SVIL: variants seen among roughly 807,000 people sequenced by gnomAD.
SVIL encodes the protein supervillin.
SVIL carries 101 observed loss-of-function variants against 240.4 expected under a neutral mutation model. The ratio of observed to expected loss-of-function variants is 0.42; its 90% CI spans 0.36 to 0.50. The LOEUF (loss-of-function observed/expected upper bound fraction) is 0.50, where lower values mean the gene tolerates loss of function less well. Ranked by LOEUF, SVIL falls within the 20% of genes least tolerant of loss-of-function variation. The pLI is 0.01. For missense variants in SVIL, 2,512 were observed against 2,818.7 expected, an observed-to-expected ratio of 0.89 and a Z score of 2.46; for synonymous variants, 999 against 1,100.0, an observed-to-expected ratio of 0.91 and a Z score of 1.82.
intron 2 of SVIL, among the ~76,000 whole-genome samples, chr10:29,661,348 G>A (rs1959157078): frequency 6.6e-6 from 1 of 152,078 alleles, no homozygotes; most frequent in Non-Finnish European, 1.5e-5. Flanking sequence ...AAAAAAGCAA[G>A]AATACAAACA....
chr10:29,673,070 C>T (rs1959911803), intron 2 of SVIL, among the ~76,000 whole-genome samples: 1 of 152,200 alleles, frequency 6.6e-6, no homozygotes, highest in Middle Eastern at 3.4e-3. Context: ...CCCACCGCCA[C>T]ACCCAGCTAA....
At chr10:29,551,945 T>A (rs1378802660) in intron 5 of SVIL, among the ~76,000 whole-genome samples, 1 of 151,960 alleles carries the variant, frequency 6.6e-6, no homozygotes, top group Non-Finnish European at 1.5e-5. Context: ...ACCCTGCCTC[T>A]ACAAAAATTA....
intron 2 of SVIL, among the ~76,000 whole-genome samples, chr10:29,566,991 G>A (rs1393829065): frequency 6.6e-6 from 1 of 152,182 alleles, no homozygotes; most frequent in Non-Finnish European, 1.5e-5. Context: ...TAAAGTTAGT[G>A]CTGTCCACTT....
At chr10:29,680,139 T>A (rs1450240959) in intron 2 of SVIL, among the ~76,000 whole-genome samples, 1 of 152,174 alleles carries the variant, frequency 6.6e-6, no homozygotes, top group African/African-American at 2.4e-5. Flanking sequence ...GAGCCGTGAC[T>A]GTGCTACTGC....
At chr10:29,668,765 C>A (rs148046651) in intron 2 of SVIL, among the ~76,000 whole-genome samples, 1 of 152,166 alleles carries the variant, frequency 6.6e-6, no homozygotes, top group Non-Finnish European at 1.5e-5. Context: ...TGAGTCACTG[C>A]GCCCAGCCAA....
At chr10:29,638,944 G>A (rs371055337), upstream of SVIL, among the ~76,000 whole-genome samples, 6 of 152,108 alleles carry the variant, frequency 3.9e-5, no homozygotes, top group Non-Finnish European at 5.9e-5. Flanking sequence ...GGAGGAGATC[G>A]GGTCATCTCA....
chr10:29,631,541 C>T (rs1958093898), intron 1 of SVIL, among the ~76,000 whole-genome samples: 1 of 150,856 alleles, frequency 6.6e-6, no homozygotes, highest in African/African-American at 2.4e-5. Flanking sequence ...CTTTGGGAGG[C>T]CGAGGTGGGC....
chr10:29,483,405 A>T (rs2132365929), intron 27 of SVIL: 1 of 152,308 alleles, frequency 6.6e-6, no homozygotes, highest in East Asian at 1.9e-4. Context: ...TGCATCTTAA[A>T]ATCCCTAGGA....
At chr10:29,474,140 A>G in intron 29 of SVIL, 151 bp from the exon 30 acceptor site, 2 of 1,084,800 alleles carry the variant, frequency 1.8e-6, no homozygotes, top group Non-Finnish European at 2.6e-6. Flanking sequence ...CCTGGAGGGA[A>G]GGCTGGTCAC....
chr10:29,517,610 G>C (rs1002185912), intron 16 of SVIL, among the ~76,000 whole-genome samples: 2 of 152,202 alleles, frequency 1.3e-5, no homozygotes, highest in Non-Finnish European at 2.9e-5. Context: ...GATACCGAAG[G>C]GTGGATGGTT....
In SVIL at chr10:29,689,135, A is replaced by G. The variant is rs182071687; in HGVS notation, c.-399-2484T>C. ...AAAATATCCAATTTAGAATCACAGA[A>G]TGAGTAGAAGGGACCTTAGCTCAAC... On this transcript the variant is annotated intron_variant, in intron 1 of 35. Transcript: ENST00000375400. 4.6e-5 allele frequency among the ~76,000 whole-genome samples: 7 copies of G among 152,328 alleles called. No individual in the cohort carries two copies. The East Asian group carries it at 1.4e-3, about 29-fold the overall frequency.
At chr10:29,488,306 G>T (rs566290148) in intron 23 of SVIL, among the ~76,000 whole-genome samples, 1 of 152,118 alleles carries the variant, frequency 6.6e-6, no homozygotes, top group South Asian at 2.1e-4. Flanking sequence ...AGTAAAAGCT[G>T]GGATTCTGGA....
chr10:29,658,456 C>T (rs1564741733), intron 2 of SVIL, among the ~76,000 whole-genome samples: 1 of 152,276 alleles, frequency 6.6e-6, no homozygotes, highest in East Asian at 1.9e-4. Flanking sequence ...AATTTAAAAT[C>T]AGATCCAAAT....
chr10:29,547,783 A>G (rs1243840076), intron 6 of SVIL, among the ~76,000 whole-genome samples: 3 of 152,192 alleles, frequency 2.0e-5, no homozygotes, highest in African/African-American at 7.2e-5. Context: ...AACGACTTCA[A>G]CAGCTCTCAT....
chr10:29,733,110 C>T (rs934722363), intron 1 of SVIL, among the ~76,000 whole-genome samples: 1 of 152,174 alleles, frequency 6.6e-6, no homozygotes, highest in African/African-American at 2.4e-5. Flanking sequence ...TTGCCATATT[C>T]ACTAAGAACA....
intron 1 of SVIL, among the ~76,000 whole-genome samples, chr10:29,590,150 A>T (rs1316921910): frequency 7.2e-6 from 1 of 138,900 alleles, no homozygotes; most frequent in Admixed American, 7.7e-5. Flanking sequence ...TTGGCAACAG[A>T]GCAAGACTCC....
chr10:29,729,500 TATGTG>T (rs1964486416), intron 1 of SVIL, among the ~76,000 whole-genome samples: 1 of 132,794 alleles, frequency 7.5e-6, no homozygotes, highest in African/African-American at 2.9e-5. Context: ...TGTGTGTATG[TATGTG>T]GTGTGTGTAG....
In SVIL at chr10:29,481,614, C is replaced by T. The variant is rs748515271; in HGVS notation, c.5070G>A (p.Glu1690=). 6.2e-7 allele frequency: 1 copy of T among 1,614,196 alleles called. No individual in the cohort carries two copies. The highest frequency in any genetic ancestry group is 2.2e-5 in the East Asian group (1 of 44,866). Residue 1690 remains glutamate, a synonymous_variant, in exon 28 of 38, where the codon GAG becomes GAA. Coordinates refer to ENST00000355867, the MANE Select transcript of SVIL (RefSeq NM_021738.3). ...LDWTELKRSN[E]KNPGELAQHK... is the part of the protein sequence containing the mutation. ...GCTGGGCAAGTTCCCCGGGGTTCTT[C>T]TCATTCGATCTCTTCAGTTCCGTCC...
In SVIL at chr10:29,729,646, CAACA is replaced by C. The variant is rs770638400; in HGVS notation, c.-400+6101_-400+6104del. Among the ~76,000 whole-genome samples, 30 of 100,170 alleles carry C rather than the reference CAACA, an allele frequency of 3.0e-4. No individual in the cohort carries two copies. In the South Asian group the frequency reaches 5.4e-3, roughly 18 times the overall value. The allele number at this position is 100,170 out of a possible 152,430, so 65.7% of individuals were successfully genotyped here. ...GTCAGGAGTTCAAGACCAGCCTGGC[CAACA>C]TAGTGAAACCCCATCTCTACTAAAA... On this transcript the variant is annotated intron_variant, in intron 1 of 35. Coordinates refer to the SVIL transcript ENST00000375400.
Sources: allele counts gnomAD v4.1 joint callset (sites outside exome capture counted in the v4.1 genomes callset), GRCh38; gene constraint gnomAD v4.1.1; transcripts MANE v1.5; gene names NCBI Gene and HGNC (gene_info 2026-07-23, HGNC 2026-07-21).